R3HDM1: variants seen among roughly 807,000 people sequenced by gnomAD.
The protein encoded by R3HDM1 is R3H domain-containing protein 1.
In R3HDM1, 46 loss-of-function variants were observed where a neutral mutation model predicts 141.1. The ratio of observed to expected loss-of-function variants is 0.33; its 90% CI spans 0.26 to 0.42. R3HDM1 has a LOEUF of 0.42. R3HDM1 is among the 10% of genes least tolerant of loss of function. The pLI is 1.00. For synonymous variants in R3HDM1, 435 were observed against 472.9 expected, an observed-to-expected ratio of 0.92 and a Z score of 1.04; for missense variants, 1,184 against 1,368.3, an observed-to-expected ratio of 0.87 and a Z score of 2.12.
At chr2:135,681,378 TG>T (rs964876978) in intron 21 of R3HDM1, among the ~76,000 whole-genome samples, 1 of 152,180 alleles carries the variant, frequency 6.6e-6, no homozygotes, top group African/African-American at 2.4e-5. Flanking sequence ...ATAGGGCTTG[TG>T]GGTACTTAAT....
chr2:135,619,346 A>G (rs964922703), intron 5 of R3HDM1, among the ~76,000 whole-genome samples: 2 of 152,222 alleles, frequency 1.3e-5, no homozygotes, highest in East Asian at 3.8e-4. Flanking sequence ...AAATTTGGCT[A>G]GTGAAAATTT....
At chr2:135,652,379 G>C (rs1243651425) in intron 18 of R3HDM1, among the ~76,000 whole-genome samples, 1 of 152,168 alleles carries the variant, frequency 6.6e-6, no homozygotes, top group Non-Finnish European at 1.5e-5. Flanking sequence ...TGTAATCCCA[G>C]CACTTTGTGA....
chr2:135,648,349 TTATC>T (rs979670252), intron 16 of R3HDM1, among the ~76,000 whole-genome samples: 15 of 152,226 alleles, frequency 9.9e-5, no homozygotes, highest in African/African-American at 3.4e-4. Context: ...CAAATCATTA[TTATC>T]TATCTATGAT....
At chr2:135,564,011 C>G (rs1480256025) in intron 1 of R3HDM1, among the ~76,000 whole-genome samples, 6 of 152,124 alleles carry the variant, frequency 3.9e-5, no homozygotes, top group Non-Finnish European at 7.3e-5. Context: ...ATCACATCCT[C>G]TATGATCTCA....
At chr2:135,577,274 T>A in intron 1 of R3HDM1, 2 of 942,906 alleles carry the variant, frequency 2.1e-6, no homozygotes, top group Non-Finnish European at 2.5e-6. Flanking sequence ...AAACACAAGC[T>A]GACAAACTGG....
chr2:135,693,330 C>G (rs1406458466), intron 21 of R3HDM1, among the ~76,000 whole-genome samples: 1 of 151,872 alleles, frequency 6.6e-6, no homozygotes, highest in Admixed American at 6.6e-5. Flanking sequence ...CCATAGTTTG[C>G]CAACTCCTGT....
At chr2:135,537,036 G>A (rs2104879992) in intron 1 of R3HDM1, among the ~76,000 whole-genome samples, 1 of 152,208 alleles carries the variant, frequency 6.6e-6, no homozygotes, top group African/African-American at 2.4e-5. Flanking sequence ...TGCCAAAAAG[G>A]TTGGGGACTG....
At chr2:135,623,073 T>C (rs1487361610) in intron 7 of R3HDM1, 1 of 968,606 alleles carries the variant, frequency 1.0e-6, no homozygotes, top group African/African-American at 1.8e-5. Flanking sequence ...AAGAACTTAG[T>C]GTATTCACTT....
chr2:135,584,222 G>C, intron 1 of R3HDM1: 1 of 508,594 alleles, frequency 2.0e-6, no homozygotes, highest in Non-Finnish European at 2.5e-6. Flanking sequence ...CAGCTACTCG[G>C]GAGGCTGAAG....
chr2:135,583,609 T>C (rs1405395415), intron 1 of R3HDM1, among the ~76,000 whole-genome samples: 1 of 152,238 alleles, frequency 6.6e-6, no homozygotes, highest in Admixed American at 6.5e-5. Flanking sequence ...ATATTGATTT[T>C]CTACTTCAAG....
chr2:135,572,308 G>A (rs1704312125), intron 1 of R3HDM1, among the ~76,000 whole-genome samples: 1 of 152,136 alleles, frequency 6.6e-6, no homozygotes, highest in Non-Finnish European at 1.5e-5. Flanking sequence ...GAATACATAA[G>A]GAGCTCTTAT....
At chr2:135,553,033 C>T (rs1009582968) in intron 1 of R3HDM1, among the ~76,000 whole-genome samples, 2 of 152,082 alleles carry the variant, frequency 1.3e-5, no homozygotes, top group Admixed American at 6.5e-5. Context: ...CATGTGCCAC[C>T]GCATCCAGTT....
rs142836333 is a variant in R3HDM1 at position 135,546,024 on chromosome 2, G to C, written c.-250+14391G>C. The stretch of plus-strand genomic sequence containing the variant: ...TCTTCTTCCAGGGGATATCAGAATA[G>C]GGGAAGAGGAGATGCCTGGCTCATG... On this transcript the variant is annotated intron_variant, in intron 1 of 26. Coordinates refer to ENST00000683871, the MANE Select transcript of R3HDM1 (RefSeq NM_001378107.1). Among the ~76,000 whole-genome samples, 39 of 152,336 alleles carry C rather than the reference G, an allele frequency of 2.6e-4. No individual in the cohort carries two copies. In the East Asian group the frequency reaches 6.4e-3, roughly 25 times the overall value.
rs950806381 is a variant in R3HDM1, at chr2:135,724,208, A to G, written c.3321A>G (p.Gln1107=). Residue 1107 remains glutamine, a synonymous_variant, in exon 27 of 27, where the codon CAA becomes CAG. Coordinates refer to ENST00000683871, the MANE Select transcript of R3HDM1 (RefSeq NM_001378107.1). ...ISAAQNALKK[Q]INSVNKFKLR... is the part of the protein sequence containing the mutation. The stretch of plus-strand genomic sequence containing the variant: ...CTGCACAGAATGCACTGAAGAAACA[A>G]ATTAACTCAGTTAACAAGTTTAAGC... 5.6e-6 allele frequency: 9 copies of G among 1,613,896 alleles called. No individual in the cohort carries two copies. In the African/African-American group the frequency reaches 6.7e-5, roughly 12 times the overall value.
At chr2:135,659,674 G>A (rs1276888263) in intron 18 of R3HDM1, among the ~76,000 whole-genome samples, 2 of 152,168 alleles carry the variant, frequency 1.3e-5, no homozygotes, top group Non-Finnish European at 2.9e-5. Context: ...CTGGGCTCAA[G>A]CGATCCTCCC....
chr2:135,724,525 GAAATGCCATTC>G lies in R3HDM1; in HGVS notation c.*241_*251del, dbSNP rs1250611099. On this transcript the variant is annotated 3_prime_UTR_variant, in exon 27 of 27. Coordinates refer to ENST00000683871, the MANE Select transcript of R3HDM1 (RefSeq NM_001378107.1). ...TACAGAGTTAGCAGGTTTTTCTAAG[GAAATGCCATTC>G]AAATGCCTCCTAACTTTTATAGTTA... The G allele has an allele frequency of 2.4e-6, 1 of 413,638 alleles. No individual in the cohort carries two copies. Among genetic ancestry groups the G allele is most frequent in the African/African-American group, 2.0e-5 (1 of 49,448 alleles). The allele number at this position is 413,638 out of a possible 1,614,324, so 25.6% of individuals were successfully genotyped here.
intron 15 of R3HDM1, among the ~76,000 whole-genome samples, chr2:135,643,664 G>GAT (rs1260117844): frequency 6.6e-6 from 1 of 151,974 alleles, no homozygotes; most frequent in Non-Finnish European, 1.5e-5. Context: ...AAATGTTAAC[G>GAT]ATATGATTAT....
intron 21 of R3HDM1, among the ~76,000 whole-genome samples, chr2:135,694,716 G>C (rs1209868656): frequency 3.9e-5 from 6 of 152,186 alleles, no homozygotes; most frequent in Non-Finnish European, 8.8e-5. Flanking sequence ...GGGACTTAAG[G>C]AAGCCAAGGT....
chr2:135,643,103 A>T (rs1457563499), intron 15 of R3HDM1, among the ~76,000 whole-genome samples: 1 of 152,180 alleles, frequency 6.6e-6, no homozygotes, highest in Non-Finnish European at 1.5e-5. Context: ...TGTACTATTA[A>T]TTTAAATGAA....
Sources: gnomAD v4.1 joint callset for allele counts (sites outside exome capture counted in the v4.1 genomes callset) on GRCh38, gnomAD v4.1.1 for gene constraint, MANE v1.5 for transcripts, NCBI Gene and HGNC (gene_info 2026-07-23, HGNC 2026-07-21) for gene names.